The following RNF180 variants were observed in gnomAD, a reference collection of about 807,000 sequenced individuals.
RNF180 encodes the protein E3 ubiquitin-protein ligase RNF180.
Under a neutral mutation model 59.2 loss-of-function variants are expected in RNF180, and 38 were observed. The ratio of observed to expected loss-of-function variants is 0.64; its 90% CI spans 0.50 to 0.84. RNF180 has a LOEUF of 0.84. Ranked by LOEUF, RNF180 falls within the 40% of genes least tolerant of loss-of-function variation. The pLI, the probability that RNF180 is intolerant of heterozygous loss-of-function variation, is 0.00. For missense variants in RNF180, 705 were observed against 700.9 expected (o/e 1.01, Z -0.07); for synonymous variants, 262 against 240.3 (o/e 1.09, Z -0.84).
At chr5:64,277,194 GAAA>G (rs35030133) in intron 5 of RNF180, among the ~76,000 whole-genome samples, 1 of 134,550 alleles carries the variant, frequency 7.4e-6, no homozygotes. Flanking sequence ...AAAAAAAGGG[GAAA>G]AAAAAAAAAA....
chr5:64,232,420 G>A (rs1317057396), intron 5 of RNF180, among the ~76,000 whole-genome samples: 1 of 152,162 alleles, frequency 6.6e-6, no homozygotes, highest in African/African-American at 2.4e-5. Context: ...AGGCTGGAGT[G>A]TAGTGGTGTG....
intron 7 of RNF180, among the ~76,000 whole-genome samples, chr5:64,351,129 C>G (rs1745789658): frequency 6.6e-6 from 1 of 151,886 alleles, no homozygotes; most frequent in South Asian, 2.1e-4. Flanking sequence ...CTTCACATCC[C>G]TTGTAAGTTG....
chr5:64,298,406 G>A (rs1742999744), intron 5 of RNF180, among the ~76,000 whole-genome samples: 1 of 151,790 alleles, frequency 6.6e-6, no homozygotes, highest in Non-Finnish European at 1.5e-5. Flanking sequence ...TCCATCTTGA[G>A]TTAATTTTTA....
chr5:64,345,336 C>T (rs535547933), intron 7 of RNF180, among the ~76,000 whole-genome samples: 2 of 152,266 alleles, frequency 1.3e-5, no homozygotes, highest in South Asian at 4.1e-4. Flanking sequence ...TATCCTCTTT[C>T]CTAATAAATG....
At chr5:64,204,262 T>A (rs1479577722) in intron 2 of RNF180, among the ~76,000 whole-genome samples, 1 of 152,216 alleles carries the variant, frequency 6.6e-6, no homozygotes, top group Admixed American at 6.5e-5. Flanking sequence ...CATCTATTTG[T>A]CTTGCTCTTA....
intron 7 of RNF180, among the ~76,000 whole-genome samples, chr5:64,365,076 TATTG>T (rs746061185): frequency 8.6e-5 from 13 of 151,822 alleles, no homozygotes; most frequent in East Asian, 1.9e-4. Flanking sequence ...TCAGCTTTGA[TATTG>T]ATTATTTCTT....
At chr5:64,172,186 G>A (rs891328114) in intron 1 of RNF180, among the ~76,000 whole-genome samples, 29 of 152,198 alleles carry the variant, frequency 1.9e-4, no homozygotes, top group Admixed American at 1.6e-3. Context: ...CATAGTGACT[G>A]TTAGCGTAAA....
At chr5:64,199,075 C>T (rs1751598883) in intron 1 of RNF180, among the ~76,000 whole-genome samples, 2 of 152,216 alleles carry the variant, frequency 1.3e-5, no homozygotes, top group Admixed American at 6.5e-5. Flanking sequence ...GCCTTGGCCT[C>T]CCAGAGTGCT....
At chr5:64,303,258 AAT>A (rs1743251687) in intron 5 of RNF180, among the ~76,000 whole-genome samples, 1 of 151,500 alleles carries the variant, frequency 6.6e-6, no homozygotes, top group Non-Finnish European at 1.5e-5. Context: ...CCTGAGACAC[AAT>A]AATATGTAAT....
intron 4 of RNF180, among the ~76,000 whole-genome samples, chr5:64,216,901 A>T (rs1380900321): frequency 6.6e-6 from 1 of 152,138 alleles, no homozygotes; most frequent in Admixed American, 6.5e-5. Context: ...ACTTACACAC[A>T]TGTAAAGGTT....
intron 2 of RNF180, 89 bp from the exon 3 acceptor site, chr5:64,211,975 AT>A: frequency 1.4e-6 from 1 of 708,690 alleles, no homozygotes. Context: ...CTAAAATAGA[AT>A]TTGTATTTTT....
intron 1 of RNF180, among the ~76,000 whole-genome samples, chr5:64,186,626 T>G (rs557924064): frequency 6.6e-6 from 1 of 152,338 alleles, no homozygotes; most frequent in East Asian, 1.9e-4. Flanking sequence ...GAATATTAAC[T>G]GAAAAGAAAT....
chr5:64,233,711 C>T (rs1742235567), intron 5 of RNF180, among the ~76,000 whole-genome samples: 1 of 152,214 alleles, frequency 6.6e-6, no homozygotes, highest in Non-Finnish European at 1.5e-5. Context: ...ACGGCCCTAA[C>T]AAACTTGCTT....
intron 5 of RNF180, among the ~76,000 whole-genome samples, chr5:64,234,744 C>T (rs935188354): frequency 6.0e-5 from 9 of 150,700 alleles, no homozygotes; most frequent in Admixed American, 2.6e-4. Flanking sequence ...GGACTACAGG[C>T]GCCCGCCACC....
chr5:64,269,719 T>C (rs144556111), intron 5 of RNF180, among the ~76,000 whole-genome samples: 17 of 152,296 alleles, frequency 1.1e-4, no homozygotes, highest in African/African-American at 3.8e-4. Flanking sequence ...AGCTCTGATA[T>C]TATCTTCAAA....
chr5:64,190,685 G>T (rs1445790658), intron 1 of RNF180, among the ~76,000 whole-genome samples: 2 of 152,100 alleles, frequency 1.3e-5, no homozygotes, highest in African/African-American at 4.8e-5. Flanking sequence ...AGGTCAAAAG[G>T]GTGGGGCTGT....
intron 5 of RNF180, among the ~76,000 whole-genome samples, chr5:64,242,477 A>G (rs771752351): frequency 3.9e-5 from 6 of 152,190 alleles, no homozygotes; most frequent in Non-Finnish European, 8.8e-5. Context: ...ATACAGAGAA[A>G]CAATTAAAAA....
intron 5 of RNF180, among the ~76,000 whole-genome samples, chr5:64,294,686 G>T (rs1742796139): frequency 6.6e-6 from 1 of 151,972 alleles, no homozygotes. Context: ...ATATAACATT[G>T]TTCTTCCTGC....
chr5:64,196,382 CTT>C (rs1394885055), intron 1 of RNF180, among the ~76,000 whole-genome samples: 3 of 152,112 alleles, frequency 2.0e-5, no homozygotes, highest in Admixed American at 2.0e-4. Flanking sequence ...GATAAACTCC[CTT>C]TCTCTCAGGT....
Sources: allele counts gnomAD v4.1 joint callset (sites outside exome capture counted in the v4.1 genomes callset), GRCh38; gene constraint gnomAD v4.1.1; transcripts MANE v1.5; gene names NCBI Gene and HGNC (gene_info 2026-07-23, HGNC 2026-07-21).